Variants in RPIA observed in about 807,000 individuals in gnomAD.
RPIA encodes ribose-5-phosphate isomerase.
In RPIA, 29 loss-of-function variants were observed where a neutral mutation model predicts 37.8. The observed-to-expected ratio is 0.77, with a 90% CI of 0.57 to 1.05. The LOEUF (loss-of-function observed/expected upper bound fraction) is 1.05. Ranked by LOEUF, RPIA falls within the 50% of genes least tolerant of loss-of-function variation. RPIA has a pLI of 0.00. For synonymous variants in RPIA, 167 were observed against 157.0 expected (o/e 1.06, Z -0.48); for missense variants, 385 against 413.6 (o/e 0.93, Z 0.60).
chr2:88,703,446 G>A (rs935246889), intron 3 of RPIA, among the ~76,000 whole-genome samples: 6 of 152,332 alleles, frequency 3.9e-5, no homozygotes, highest in African/African-American at 1.4e-4. Context: ...CTCAATTCTT[G>A]ACTTCTGTGC....
chr2:88,741,310 G>T (rs757956575), intron 8 of RPIA, among the ~76,000 whole-genome samples: 2 of 152,162 alleles, frequency 1.3e-5, no homozygotes, highest in Non-Finnish European at 2.9e-5. Context: ...AACATACGAT[G>T]TTTGGGTTTC....
chr2:88,698,899 C>T (rs919303607), intron 2 of RPIA, among the ~76,000 whole-genome samples: 5 of 152,198 alleles, frequency 3.3e-5, no homozygotes, highest in African/African-American at 1.2e-4. Flanking sequence ...ATAATTGAGG[C>T]CATAGTGGGT....
chr2:88,705,610 TA>T (rs1212584961), intron 3 of RPIA, among the ~76,000 whole-genome samples: 1 of 152,020 alleles, frequency 6.6e-6, no homozygotes, highest in African/African-American at 2.4e-5. Context: ...AAAAACACTA[TA>T]AAAACCCTAG....
At chr2:88,712,092 C>A (rs746276128) in intron 3 of RPIA, among the ~76,000 whole-genome samples, 2 of 152,280 alleles carry the variant, frequency 1.3e-5, no homozygotes, top group Middle Eastern at 3.4e-3. Context: ...ATGACCTGAA[C>A]TTGATTTTCA....
chr2:88,739,993 A>G (rs1423146013), intron 8 of RPIA, among the ~76,000 whole-genome samples: 1 of 152,200 alleles, frequency 6.6e-6, no homozygotes, highest in Non-Finnish European at 1.5e-5. Flanking sequence ...GAGTTGGCTT[A>G]TACTCATTTT....
At chr2:88,693,217 G>A (rs1676967585) in intron 1 of RPIA, among the ~76,000 whole-genome samples, 1 of 152,178 alleles carries the variant, frequency 6.6e-6, no homozygotes, top group African/African-American at 2.4e-5. Flanking sequence ...TATCTAAGTT[G>A]TCCTGTTAAT....
At position 88,695,918 on chromosome 2, in the gene RPIA, A is replaced by G. The variant is rs984982049; in HGVS notation, c.286-2566A>G. The stretch of plus-strand genomic sequence containing the variant: ...TATATATGTATATGGTTGTGGGGAC[A>G]TTAGTATTTGATTTTTTTTTTTTTG... On this transcript the variant is annotated intron_variant, in intron 1 of 8. Transcript: ENST00000283646. Among the ~76,000 whole-genome samples, 31 of 151,232 alleles carry G rather than the reference A, an allele frequency of 2.0e-4. 2 individuals are homozygous for G. The highest frequency in any genetic ancestry group is 1.5e-3 in the Admixed American group (23 of 15,212).
chr2:88,725,880 A>G (rs572385791), intron 3 of RPIA, among the ~76,000 whole-genome samples: 2 of 152,308 alleles, frequency 1.3e-5, no homozygotes, highest in East Asian at 1.9e-4. Context: ...GAACTTGCTG[A>G]TGGGAACAGG....
rs754790516 is a variant in RPIA, at chr2:88,736,643, C to T, written c.705C>T (p.Gly235=). 5 of 1,613,660 alleles carry T rather than the reference C, an allele frequency of 3.1e-6. No individual in the cohort carries two copies. The African/African-American group carries it at 5.3e-5, about 17-fold the overall frequency. ...GAGCTGTGAGCCAGAAGTTTGGGGG[C>T]GTGGTTGAACTTCGAATGGCTGTCA... ...VSRAVSQKFG[G]VVELRMAVNK... The change falls in exon 7 of 9, where the codon GGC becomes GGT. Residue 235 remains glycine, a synonymous_variant. Coordinates refer to ENST00000283646, the MANE Select transcript of RPIA (RefSeq NM_144563.3).
chr2:88,711,306 CAT>C (rs1393584259), intron 3 of RPIA, among the ~76,000 whole-genome samples: 3 of 152,186 alleles, frequency 2.0e-5, no homozygotes. Context: ...TTTAGGGAAA[CAT>C]AAGACATCTG....
rs147655737 is a variant in RPIA, at chr2:88,745,249, A to G, written c.839-4732A>G. 2.4e-3 allele frequency among the ~76,000 whole-genome samples: 373 copies of G among 152,250 alleles called. 1 individual carries two copies. The highest frequency in any genetic ancestry group is 8.5e-3 in the African/African-American group (353 of 41,538). On this transcript the variant is annotated intron_variant, in intron 8 of 8. Transcript: ENST00000283646. ...AGCCTGGCCCATTGTGTACCTTTTA[A>G]GTAGAGCATTTAGGCAGTTTACATT...
rs199519092 is a variant in RPIA at position 88,691,709 on chromosome 2, C to T, written c.11C>T (p.Pro4Leu). ...GAGCGAGGCGTCGGGATGCAGCGCC[C>T]CGGGCCCTTCAGCACCCTCTACGGG... MQRPGPFSTLYGRV... is the reference protein window; with the variant it reads MQRLGPFSTLYGRV... Residue 4 changes from proline (P) to leucine (L), a missense_variant, in exon 1 of 9, where the codon CCC becomes CTC. Coordinates refer to ENST00000283646, the MANE Select transcript of RPIA (RefSeq NM_144563.3). The T allele has an allele frequency of 7.3e-5, 116 of 1,578,654 alleles. No individual in the cohort carries two copies. The African/African-American group carries it at 1.5e-3, about 20-fold the overall frequency.
intron 8 of RPIA, among the ~76,000 whole-genome samples, chr2:88,749,508 G>T (rs1376846275): frequency 6.6e-6 from 1 of 152,154 alleles, no homozygotes; most frequent in African/African-American, 2.4e-5. Context: ...TCCTTTGTCA[G>T]GTATATGCTT....
At chr2:88,714,731 A>G (rs1332564615) in intron 3 of RPIA, among the ~76,000 whole-genome samples, 1 of 152,206 alleles carries the variant, frequency 6.6e-6, no homozygotes, top group Non-Finnish European at 1.5e-5. Flanking sequence ...CTTGCTTTTA[A>G]TTCTCTTGTT....
intron 3 of RPIA, among the ~76,000 whole-genome samples, chr2:88,715,542 T>G (rs1322200971): frequency 6.6e-6 from 1 of 152,202 alleles, no homozygotes; most frequent in East Asian, 1.9e-4. Flanking sequence ...TGACTTTTGG[T>G]TACAAGGAAG....
chr2:88,699,765 T>C (rs1672805533), intron 2 of RPIA, among the ~76,000 whole-genome samples: 2 of 152,218 alleles, frequency 1.3e-5, no homozygotes, highest in African/African-American at 4.8e-5. Flanking sequence ...CACATAACAA[T>C]GGCAAACACT....
intron 3 of RPIA, among the ~76,000 whole-genome samples, chr2:88,711,390 G>C (rs189585461): frequency 6.6e-6 from 1 of 152,200 alleles, no homozygotes; most frequent in African/African-American, 2.4e-5. Flanking sequence ...GGCAGAGTTG[G>C]GACTTCCAGG....
At chr2:88,694,757 C>T (rs1402074139) in intron 1 of RPIA, among the ~76,000 whole-genome samples, 1 of 152,070 alleles carries the variant, frequency 6.6e-6, no homozygotes, top group African/African-American at 2.4e-5. Flanking sequence ...CCTATGTTGT[C>T]TGTTTGTACG....
At chr2:88,702,901 C>T (rs969604227) in intron 3 of RPIA, among the ~76,000 whole-genome samples, 6 of 152,192 alleles carry the variant, frequency 3.9e-5, no homozygotes, top group Non-Finnish European at 8.8e-5. Flanking sequence ...AGTTATTTCC[C>T]AGATACACTG....
Sources: gnomAD v4.1 joint callset for allele counts (sites outside exome capture counted in the v4.1 genomes callset) on GRCh38, gnomAD v4.1.1 for gene constraint, MANE v1.5 for transcripts, NCBI Gene and HGNC (gene_info 2026-07-23, HGNC 2026-07-21) for gene names.